Variants in ARHGEF3 observed in about 807,000 individuals in gnomAD.
The protein encoded by ARHGEF3 is 59.8 kDA protein.
In ARHGEF3, 28 loss-of-function variants were observed where a neutral mutation model predicts 63.2. The observed-to-expected ratio is 0.44, with a 90% CI of 0.33 to 0.61. ARHGEF3 has a LOEUF of 0.61. ARHGEF3 is among the 20% of genes least tolerant of loss of function. The pLI, the probability that ARHGEF3 is intolerant of heterozygous loss-of-function variation, is 0.03. For missense variants in ARHGEF3, 533 were observed against 659.3 expected (o/e 0.81, Z 2.10); for synonymous variants, 266 against 254.2 (o/e 1.05, Z -0.44).
At chr3:56,870,036 TACAA>T (rs1259096114) in intron 4 of ARHGEF3, among the ~76,000 whole-genome samples, 1 of 152,152 alleles carries the variant, frequency 6.6e-6, no homozygotes, top group African/African-American at 2.4e-5. Context: ...GTTTAAGAGT[TACAA>T]ACACTGTTAT....
intron 1 of ARHGEF3, among the ~76,000 whole-genome samples, chr3:57,077,496 A>T (rs1424214706): frequency 1.3e-5 from 2 of 152,158 alleles, no homozygotes; most frequent in Non-Finnish European, 2.9e-5. Context: ...ATCTGTGGAG[A>T]TTCAGAAGAC....
intron 3 of ARHGEF3, among the ~76,000 whole-genome samples, chr3:56,936,083 A>G (rs1423357525): frequency 6.6e-6 from 1 of 152,180 alleles, no homozygotes; most frequent in Non-Finnish European, 1.5e-5. Context: ...AGCCCAGTGC[A>G]AGAAAGAAAA....
intron 4 of ARHGEF3, among the ~76,000 whole-genome samples, chr3:56,859,069 G>T (rs182585096): frequency 6.6e-6 from 1 of 152,164 alleles, no homozygotes; most frequent in Non-Finnish European, 1.5e-5. Context: ...GATTTATCCC[G>T]CCAGGGAAGA....
chr3:57,037,387 C>T (rs989767989), intron 1 of ARHGEF3, among the ~76,000 whole-genome samples: 15 of 152,196 alleles, frequency 9.9e-5, no homozygotes, highest in African/African-American at 3.6e-4. Context: ...CAGCATGTAA[C>T]TGCTGCAAGG....
intron 2 of ARHGEF3, among the ~76,000 whole-genome samples, chr3:56,973,094 A>G (rs1404703993): frequency 6.6e-6 from 1 of 150,706 alleles, no homozygotes; most frequent in African/African-American, 2.4e-5. Context: ...TTGGCTCACT[A>G]TAAGCTCCGC....
chr3:56,775,172 C>T (rs1176406176), intron 1 of ARHGEF3: 8 of 1,522,304 alleles, frequency 5.3e-6, no homozygotes, highest in Non-Finnish European at 6.2e-6. Context: ...TTCAAAGTTT[C>T]GAGGGTTAAG....
chr3:56,956,374 A>G (rs1257002112), intron 3 of ARHGEF3, among the ~76,000 whole-genome samples: 1 of 152,116 alleles, frequency 6.6e-6, no homozygotes, highest in African/African-American at 2.4e-5. Flanking sequence ...TGAGTCCCTA[A>G]GATTACAGGT....
In ARHGEF3 at chr3:56,797,068, G is replaced by A. The variant is rs1409470891; in HGVS notation, c.96+4635C>T. Among the ~76,000 whole-genome samples the A allele has an allele frequency of 5.9e-5, 9 of 152,014 alleles. 1 individual carries two copies. In the South Asian group the frequency reaches 8.3e-4, roughly 14 times the overall value. ...CGACATGCTAGGCACTATGGTTAGC[G>A]CTGTATATGAAACATCTCGTTTGAC... On this transcript the variant is annotated intron_variant, in intron 1 of 9. Coordinates refer to ENST00000296315, the MANE Select transcript of ARHGEF3 (RefSeq NM_019555.3).
chr3:56,787,754 A>G (rs2036895595), intron 1 of ARHGEF3, among the ~76,000 whole-genome samples: 1 of 147,176 alleles, frequency 6.8e-6, no homozygotes, highest in South Asian at 2.1e-4. Context: ...AATATACAGG[A>G]GGACTTTGTG....
intron 2 of ARHGEF3, among the ~76,000 whole-genome samples, chr3:56,974,679 C>A (rs1018556164): frequency 6.6e-6 from 1 of 152,168 alleles, no homozygotes; most frequent in East Asian, 1.9e-4. Context: ...CCCTGCCCCC[C>A]ACATCCATCT....
chr3:56,800,550 C>G (rs2037588469), intron 1 of ARHGEF3, among the ~76,000 whole-genome samples: 2 of 152,220 alleles, frequency 1.3e-5, no homozygotes, highest in African/African-American at 4.8e-5. Context: ...CAGCCTGGAG[C>G]AGCTCTTGCT....
intron 3 of ARHGEF3, among the ~76,000 whole-genome samples, chr3:56,942,427 G>A (rs1699234143): frequency 6.6e-6 from 1 of 152,138 alleles, no homozygotes; most frequent in Admixed American, 6.5e-5. Flanking sequence ...GTTTTGGGGT[G>A]CCACGAACCA....
intron 2 of ARHGEF3, among the ~76,000 whole-genome samples, chr3:56,979,525 A>G (rs1701246776): frequency 6.6e-6 from 1 of 152,232 alleles, no homozygotes; most frequent in Non-Finnish European, 1.5e-5. Context: ...ACAGGCAGCC[A>G]GAGACAAGGC....
intron 3 of ARHGEF3, among the ~76,000 whole-genome samples, chr3:56,934,151 T>A (rs2042486959): frequency 6.6e-6 from 1 of 152,210 alleles, no homozygotes; most frequent in Admixed American, 6.5e-5. Context: ...GACTAATACA[T>A]GGATATAGTC....
chr3:56,938,761 C>T (rs760783857), intron 3 of ARHGEF3: 8 of 152,254 alleles, frequency 5.3e-5, no homozygotes. Flanking sequence ...GTACTTGTCC[C>T]TGAGTCTCTT....
At position 56,890,416 on chromosome 3, in the gene ARHGEF3, T is replaced by C. The variant is rs540905761; in HGVS notation, c.130-8062A>G. Among the ~76,000 whole-genome samples, 19 of 152,358 alleles carry C rather than the reference T, an allele frequency of 1.2e-4. No homozygotes were observed. In the South Asian group the frequency reaches 3.9e-3, roughly 32 times the overall value. ...AAAATATTTCGAACAGAGCCAGACATATGGCAAGAGATTTGAAAAATGTAA... is the reference window on the plus strand; with the variant it reads ...AAAATATTTCGAACAGAGCCAGACACATGGCAAGAGATTTGAAAAATGTAA... On this transcript the variant is annotated intron_variant, in intron 3 of 12. Transcript: ENST00000338458.
chr3:57,045,849 A>T (rs534418152), intron 1 of ARHGEF3, among the ~76,000 whole-genome samples: 97 of 152,256 alleles, frequency 6.4e-4, no homozygotes, highest in Admixed American at 1.0e-3. Flanking sequence ...GCAGCGAAAG[A>T]TTTTCTGACC....
chr3:56,943,993 T>C (rs1357591796), intron 3 of ARHGEF3, among the ~76,000 whole-genome samples: 2 of 150,062 alleles, frequency 1.3e-5, no homozygotes, highest in Admixed American at 6.6e-5. Context: ...CCTGGCCACA[T>C]GGTGAAACCC....
At chr3:56,974,129 T>TA (rs1260206090) in intron 2 of ARHGEF3, among the ~76,000 whole-genome samples, 1 of 152,140 alleles carries the variant, frequency 6.6e-6, no homozygotes, top group Non-Finnish European at 1.5e-5. Flanking sequence ...GCCACTTCAT[T>TA]ATCTTTTTAA....
Sources: allele counts gnomAD v4.1 joint callset (sites outside exome capture counted in the v4.1 genomes callset), GRCh38; gene constraint gnomAD v4.1.1; transcripts MANE v1.5; gene names NCBI Gene and HGNC (gene_info 2026-07-23, HGNC 2026-07-21).